The following RANGAP1 variants were observed in gnomAD, a reference collection of about 807,000 sequenced individuals.
RANGAP1 encodes the protein Ran GTPase activating protein 1, also known as ran GTPase-activating protein 1.
Under a neutral mutation model 63.5 loss-of-function variants are expected in RANGAP1, and 38 were observed. That is an observed-to-expected ratio of 0.60 (90% CI 0.46 to 0.78). The LOEUF (loss-of-function observed/expected upper bound fraction) is 0.78. Among genes scored for constraint, RANGAP1 ranks in the 30% least tolerant of loss-of-function variants. The pLI, the probability that RANGAP1 is intolerant of heterozygous loss-of-function variation, is 0.00. For synonymous variants in RANGAP1, 329 were observed against 310.5 expected (o/e 1.06, Z -0.63); for missense variants, 630 against 740.3 (o/e 0.85, Z 1.73).
chr22:41,265,368 T>A (rs2034406170), intron 4 of RANGAP1, among the ~76,000 whole-genome samples: 1 of 152,064 alleles, frequency 6.6e-6, no homozygotes, highest in Non-Finnish European at 1.5e-5. Flanking sequence ...TCCCCAGACC[T>A]GAGGTGAGCA....
chr22:41,302,051 T>C, the RANGAP1 span, among the ~76,000 whole-genome samples: 1 of 152,106 alleles, frequency 6.6e-6, no homozygotes, highest in East Asian at 1.9e-4. This position sits in a 1 kb window ranked among gnomAD's most constrained non-coding sequence, Gnocchi z 5.7. Context: ...CGGGGGCACC[T>C]GGCGCTGGGG....
At position 41,256,056 on chromosome 22, in the gene RANGAP1, C is replaced by CTGT; in HGVS notation, c.1037_1038insACA (p.Glu346_Gly347insGln). 2 of 1,614,048 alleles carry CTGT rather than the reference C, an allele frequency of 1.2e-6. No individual in the cohort carries two copies. The highest frequency in any genetic ancestry group is 2.2e-5 in the South Asian group (2 of 91,084). ...CCAGCACCTTGGCCATGTTGAAGCC[C>CTGT]TCCAGCACCTCCTGAAGCTGTTCAC... On this transcript the variant is annotated inframe_insertion, in exon 10 of 16. Transcript: ENST00000356244.
At position 41,246,325 on chromosome 22, in the gene RANGAP1, C is replaced by G. The variant is rs564689535; in HGVS notation, c.*278G>C. ...GGTGGAGGTGAGTTTAATGGCGGAG[C>G]AGCTCACAGCCCTTTCCCCTGGGGG... is the stretch of plus-strand genomic sequence containing the variant. On this transcript the variant is annotated 3_prime_UTR_variant, in exon 16 of 16. Transcript: ENST00000356244. 3.2e-6 allele frequency: 1 copy of G among 309,320 alleles called. No homozygotes were observed. Among genetic ancestry groups the G allele is most frequent in the Non-Finnish European group, 6.1e-6 (1 of 164,058 alleles). The allele number at this position is 309,320 out of a possible 1,614,324, so 19.2% of individuals were successfully genotyped here.
chr22:41,294,108 G>C, the RANGAP1 span, among the ~76,000 whole-genome samples: 1 of 152,176 alleles, frequency 6.6e-6, no homozygotes, highest in Non-Finnish European at 1.5e-5. Context: ...CCGAGCCGAA[G>C]CTGGACGGTA....
At chr22:41,273,407 G>A (rs931043559) in intron 3 of RANGAP1, among the ~76,000 whole-genome samples, 1 of 152,152 alleles carries the variant, frequency 6.6e-6, no homozygotes, top group South Asian at 2.1e-4. Context: ...TGGGGAACAC[G>A]GGGCTAGAAT....
the RANGAP1 span, among the ~76,000 whole-genome samples, chr22:41,293,416 GTAAA>G: frequency 4.6e-5 from 7 of 151,774 alleles, no homozygotes; most frequent in South Asian, 6.2e-4. Flanking sequence ...TGTCTCAAAA[GTAAA>G]TAAATAAATA....
In RANGAP1 at chr22:41,251,059, T is replaced by C. The variant is rs374143419; in HGVS notation, c.1431A>G (p.Ser477=). 6.2e-7 allele frequency: 1 copy of C among 1,614,104 alleles called. No individual in the cohort carries two copies. Among genetic ancestry groups the C allele is most frequent in the Admixed American group, 1.7e-5 (1 of 60,014 alleles). The part of the protein sequence containing the change: ...EKVVSAFLKV[S]SVFKDEATVR... ...CAGTAGCTTCGTCCTTGAACACAGA[T>C]GACACCTTTAGGAAGGCAGAGACCA... Residue 477 remains serine, a synonymous_variant, in exon 13 of 16, where the codon TCA becomes TCG. Coordinates refer to ENST00000356244, the MANE Select transcript of RANGAP1 (RefSeq NM_002883.4).
chr22:41,262,680 C>A lies in RANGAP1; in HGVS notation c.481-1100G>T, dbSNP rs2034244103. ...ACGCACACACGATCACGCACACACTCAGGGTAGAGACATCAAACTTCTGCC... is the reference window on the plus strand; with the variant it reads ...ACGCACACACGATCACGCACACACTAAGGGTAGAGACATCAAACTTCTGCC... On this transcript the variant is annotated intron_variant, in intron 5 of 15. Transcript: ENST00000356244. Among the ~76,000 whole-genome samples the A allele has an allele frequency of 2.0e-5, 3 of 152,190 alleles. No individual in the cohort carries two copies. The South Asian group carries it at 6.2e-4, about 31-fold the overall frequency.
At chr22:41,286,645 G>A (rs979188984), upstream of RANGAP1, among the ~76,000 whole-genome samples, 1 of 152,186 alleles carries the variant, frequency 6.6e-6, no homozygotes, top group South Asian at 2.1e-4. Context: ...GAAACTGAAA[G>A]GGCATTCGAA....
At chr22:41,291,001 G>T (rs542487905), upstream of RANGAP1, among the ~76,000 whole-genome samples, 153 of 152,330 alleles carry the variant, frequency 1.0e-3, 5 homozygotes, top group South Asian at 0.03. Context: ...GTGGGAGTGG[G>T]TTGGCTGCAT....
chr22:41,285,565 G>GCCAGC, intron 1 of RANGAP1: 1 of 985,460 alleles, frequency 1.0e-6, no homozygotes, highest in Non-Finnish European at 1.2e-6. Flanking sequence ...GGACAGCGGC[G>GCCAGC]CCAGCCCGGG....
At chr22:41,247,372 G>A (rs2033117602) in intron 15 of RANGAP1, among the ~76,000 whole-genome samples, 1 of 151,802 alleles carries the variant, frequency 6.6e-6, no homozygotes, top group African/African-American at 2.4e-5. Flanking sequence ...TTTTTCTTGA[G>A]ACAGGGCCTC....
chr22:41,256,900 C>A, intron 7 of RANGAP1, 76 bp from the exon 8 acceptor site: 1 of 1,113,994 alleles, frequency 9.0e-7, no homozygotes, highest in Non-Finnish European at 1.3e-6. Flanking sequence ...GGGGGCCCCA[C>A]ACGGTCACAT....
rs2033312524 is a variant in RANGAP1 at position 41,249,793 on chromosome 22, T to G, written c.1508A>C (p.Asn503Thr). The change falls in exon 14 of 16, where the codon AAC (asparagine) becomes ACC (threonine). Residue 503 changes from asparagine (N) to threonine (T), a missense_variant. Asn to Thr is a moderately conservative substitution (Grantham distance 65). Around this residue, in one of 3 missense-constraint regions of RANGAP1, gnomAD observed 428 missense variants for 465.5 expected, o/e 0.92. Coordinates refer to ENST00000356244, the MANE Select transcript of RANGAP1 (RefSeq NM_002883.4). ...AVDALMQKAF[N>T]SSSFNSNTFL... ...GGTGTTGGAGTTGAAGGACGAGGAG[T>G]TGAAAGCCTTCTGCATCAGGGCATC... 6.2e-7 allele frequency: 1 copy of G among 1,613,770 alleles called. No individual in the cohort carries two copies. The highest frequency in any genetic ancestry group is 8.5e-7 in the Non-Finnish European group (1 of 1,179,800).
chr22:41,255,738 G>A (rs2033788442), intron 10 of RANGAP1, among the ~76,000 whole-genome samples: 2 of 152,006 alleles, frequency 1.3e-5, no homozygotes, highest in African/African-American at 4.8e-5. Context: ...GATGCCTAGT[G>A]TATGACCTAG....
chr22:41,281,872 C>T (rs2035509721), intron 1 of RANGAP1: 1 of 154,562 alleles, frequency 6.5e-6, no homozygotes, highest in African/African-American at 2.4e-5. Context: ...CCTGTAATCC[C>T]AGCACATTGG....
upstream of RANGAP1, among the ~76,000 whole-genome samples, chr22:41,289,245 C>G (rs974442432): frequency 6.6e-6 from 1 of 151,832 alleles, no homozygotes; most frequent in Non-Finnish European, 1.5e-5. Context: ...TCTTAAACCT[C>G]TTTACAAATG....
the RANGAP1 span, among the ~76,000 whole-genome samples, chr22:41,298,725 T>A: frequency 2.0e-5 from 3 of 152,090 alleles, no homozygotes; most frequent in South Asian, 6.2e-4. Context: ...GGTCTCAAAC[T>A]CCTGGGCTCA....
chr22:41,290,734 G>C (rs996003339), upstream of RANGAP1, among the ~76,000 whole-genome samples: 2 of 152,134 alleles, frequency 1.3e-5, no homozygotes, highest in South Asian at 2.1e-4. Context: ...TTCCATTCTG[G>C]TGCCTGAAAA....
Sources: allele counts gnomAD v4.1 joint callset (sites outside exome capture counted in the v4.1 genomes callset), GRCh38; gene constraint gnomAD v4.1.1; regional missense constraint gnomAD v4.1.1; non-coding constraint Gnocchi (gnomAD v3.1); transcripts MANE v1.5; gene names NCBI Gene and HGNC (gene_info 2026-07-23, HGNC 2026-07-21).